Variants in DDAH1 observed in about 807,000 individuals in gnomAD.
The protein encoded by DDAH1 is dimethylarginine dimethylaminohydrolase 1, also known as N(G),N(G)-dimethylarginine dimethylaminohydrolase 1.
In DDAH1, 19 loss-of-function variants were observed where a neutral mutation model predicts 28.8. The observed-to-expected ratio is 0.66, with a 90% confidence interval of 0.46 to 0.97. The LOEUF (loss-of-function observed/expected upper bound fraction) is 0.97. DDAH1 is among the 50% of genes least tolerant of loss of function. The probability of loss-of-function intolerance (pLI) is 0.00; values close to 1 mark genes in which losing one functional copy is unlikely to be tolerated. For missense variants in DDAH1, 326 were observed against 375.9 expected, an observed-to-expected ratio of 0.87 and a Z score of 1.10; for synonymous variants, 153 against 154.4, an observed-to-expected ratio of 0.99 and a Z score of 0.07.
chr1:85,333,781 G>A (rs1647928042), intron 4 of DDAH1, among the ~76,000 whole-genome samples: 1 of 152,144 alleles, frequency 6.6e-6, no homozygotes, highest in Non-Finnish European at 1.5e-5. Context: ...GAAAGCCAAT[G>A]TGACCTATGG....
intron 1 of DDAH1, among the ~76,000 whole-genome samples, chr1:85,557,096 G>A (rs1658994273): frequency 6.6e-6 from 1 of 152,142 alleles, no homozygotes; most frequent in Non-Finnish European, 1.5e-5. Context: ...CAGCCTGGGT[G>A]ACAGAGCGAG....
intron 4 of DDAH1, among the ~76,000 whole-genome samples, chr1:85,347,211 T>A: frequency 6.6e-6 from 1 of 152,230 alleles, no homozygotes; most frequent in East Asian, 1.9e-4. Flanking sequence ...AGTGTGGCGA[T>A]TCCTCAAGGA....
At chr1:85,503,241 G>T (rs1029743923) in intron 1 of DDAH1, among the ~76,000 whole-genome samples, 9 of 152,086 alleles carry the variant, frequency 5.9e-5, no homozygotes, top group African/African-American at 2.2e-4. Flanking sequence ...TTTCACTCTT[G>T]TTGCCCAAGC....
At chr1:85,339,613 G>GT (rs1181855004) in intron 4 of DDAH1, among the ~76,000 whole-genome samples, 1 of 152,180 alleles carries the variant, frequency 6.6e-6, no homozygotes, top group African/African-American at 2.4e-5. Context: ...TTGCATGTCA[G>GT]TATTTCTAAG....
rs372817731 is a variant in DDAH1 at position 85,424,035 on chromosome 1, C to T, written c.303+40708G>A. Among the ~76,000 whole-genome samples, 28 of 152,160 alleles carry T rather than the reference C, an allele frequency of 1.8e-4. 1 individual carries two copies. In the South Asian group the frequency reaches 5.6e-3, roughly 30 times the overall value. ...GTGGATTACACTGGTTTTCAAATGCCGAATCAGCCTTGCATACCTGGCATA... is the reference window on the plus strand; with the variant it reads ...GTGGATTACACTGGTTTTCAAATGCTGAATCAGCCTTGCATACCTGGCATA... On this transcript the variant is annotated intron_variant, in intron 1 of 5. Transcript: ENST00000284031.
intron 1 of DDAH1, among the ~76,000 whole-genome samples, chr1:85,436,373 A>T (rs1050709500): frequency 2.0e-5 from 3 of 152,232 alleles, no homozygotes; most frequent in Non-Finnish European, 2.9e-5. Context: ...ATGTGAATTC[A>T]CATTAACAAG....
At chr1:85,485,189 A>C (rs1656161098) in intron 2 of DDAH1, among the ~76,000 whole-genome samples, 1 of 152,218 alleles carries the variant, frequency 6.6e-6, no homozygotes, top group African/African-American at 2.4e-5. Context: ...TTGGGACCTA[A>C]CAATTTTCTA....
intron 4 of DDAH1, among the ~76,000 whole-genome samples, chr1:85,342,318 CT>C (rs1648544853): frequency 6.6e-6 from 1 of 151,926 alleles, no homozygotes; most frequent in Non-Finnish European, 1.5e-5. Flanking sequence ...TGAAGTTTAA[CT>C]TTTTTCCCCC....
chr1:85,339,344 A>AGGGAAT (rs1648327949), intron 4 of DDAH1, among the ~76,000 whole-genome samples: 1 of 152,194 alleles, frequency 6.6e-6, no homozygotes, highest in Non-Finnish European at 1.5e-5. Context: ...GAAGAGATAA[A>AGGGAAT]GGGAATGGCT....
At chr1:85,510,954 T>A (rs1657204537) in intron 1 of DDAH1, among the ~76,000 whole-genome samples, 1 of 152,122 alleles carries the variant, frequency 6.6e-6, no homozygotes, top group African/African-American at 2.4e-5. Context: ...GACAGAAGGT[T>A]AACAAGGATA....
At chr1:85,431,632 G>A (rs1557622697) in intron 1 of DDAH1, among the ~76,000 whole-genome samples, 1 of 150,052 alleles carries the variant, frequency 6.7e-6, no homozygotes, top group South Asian at 2.1e-4. Context: ...AAAGCTCTAC[G>A]ATAGTGTTAG....
chr1:85,500,309 C>A (rs1039405383), intron 1 of DDAH1, among the ~76,000 whole-genome samples: 26 of 149,202 alleles, frequency 1.7e-4, no homozygotes, highest in African/African-American at 6.4e-4. Flanking sequence ...TTCTTACTTT[C>A]ATTTTTTTAA....
At chr1:85,533,496 G>C (rs1317630503) in intron 1 of DDAH1, among the ~76,000 whole-genome samples, 1 of 152,000 alleles carries the variant, frequency 6.6e-6, no homozygotes, top group Non-Finnish European at 1.5e-5. Context: ...GCTTCAATTA[G>C]TTTACTGTTT....
intron 5 of DDAH1, among the ~76,000 whole-genome samples, chr1:85,323,679 T>C (rs2100784632): frequency 6.6e-6 from 1 of 152,248 alleles, no homozygotes; most frequent in South Asian, 2.1e-4. Context: ...CATACTCCTC[T>C]ACCTAAAGAA....
chr1:85,350,539 G>A lies in DDAH1; in HGVS notation c.478-5C>T, dbSNP rs552779361. On this transcript the variant is annotated splice_region_variant and splice_polypyrimidine_tract_variant and intron_variant, in intron 3 of 5. Coordinates refer to ENST00000284031, the MANE Select transcript of DDAH1 (RefSeq NM_012137.4). ...CACTGTGGAGACTGCATAGTCCTAC[G>A]TGGACAATAGAAAAACAAGCAGTTT... 3.1e-6 allele frequency: 5 copies of A among 1,610,734 alleles called. No homozygotes were observed. Among genetic ancestry groups the A allele is most frequent in the East Asian group, 2.2e-5 (1 of 44,860 alleles).
intron 1 of DDAH1, among the ~76,000 whole-genome samples, chr1:85,413,267 T>C (rs964715716): frequency 6.6e-5 from 10 of 152,240 alleles, no homozygotes; most frequent in Non-Finnish European, 1.3e-4. Flanking sequence ...ATCCCAGTCC[T>C]ATGAACCTGT....
chr1:85,459,865 CA>C (rs1312965608), intron 1 of DDAH1, among the ~76,000 whole-genome samples: 77 of 152,304 alleles, frequency 5.1e-4, no homozygotes, highest in African/African-American at 1.7e-3. Flanking sequence ...TAAAATAATT[CA>C]CTTAGTGTTC....
chr1:85,478,052 G>T (rs1655862793), intron 2 of DDAH1, among the ~76,000 whole-genome samples: 1 of 151,910 alleles, frequency 6.6e-6, no homozygotes, highest in African/African-American at 2.4e-5. Context: ...AGCCTTTAAA[G>T]AAAGTATTTT....
chr1:85,444,398 T>C (rs1004894431), intron 1 of DDAH1, among the ~76,000 whole-genome samples: 7 of 152,206 alleles, frequency 4.6e-5, no homozygotes, highest in African/African-American at 1.7e-4. Flanking sequence ...TTTTTTGATG[T>C]GCTGCTGGAT....
Sources: gnomAD v4.1 joint callset for allele counts (sites outside exome capture counted in the v4.1 genomes callset) on GRCh38, gnomAD v4.1.1 for gene constraint, MANE v1.5 for transcripts, NCBI Gene and HGNC (gene_info 2026-07-23, HGNC 2026-07-21) for gene names.